The following ADGRG4 variants were observed in gnomAD, a reference collection of about 807,000 sequenced individuals.
ADGRG4 encodes G protein-coupled receptor 112.
ADGRG4 carries 122 observed loss-of-function variants against 126.2 expected under a neutral mutation model. The ratio of observed to expected loss-of-function variants is 0.97; its 90% CI spans 0.83 to 1.12. The LOEUF is 1.12. Ranked by LOEUF, ADGRG4 falls within the 50% of genes most tolerant of loss-of-function variation. The pLI, the probability that ADGRG4 is intolerant of heterozygous loss-of-function variation, is 0.00. For synonymous variants in ADGRG4, 943 were observed against 838.7 expected (o/e 1.12, Z -2.15); for missense variants, 2,481 against 2,251.8 (o/e 1.10, Z -2.06).
Position 136,342,738 on chromosome X carries a change from T to TA in ADGRG4, c.686-1645dup, listed in dbSNP as rs757162533. Among the ~76,000 whole-genome samples the TA allele has an allele frequency of 3.3e-3, 356 of 107,206 alleles. 2 individuals are homozygous for TA. The highest frequency in any genetic ancestry group is 0.011 in the African/African-American group (337 of 29,462). The allele number at this position is 107,206 out of a possible 115,157, so 93.1% of individuals were successfully genotyped here. A position where few individuals can be genotyped will look rare whatever the true frequency, so the allele number is the denominator to read the frequency against. ...ATTAGAGAACTAAAAAGAGGAAGAC[T>TA]AAAAAAAAACAGAGGGGACTTAGCA... On this transcript the variant is annotated intron_variant, in intron 5 of 25. Transcript: ENST00000394143.
chrX:136,305,522 C>T (rs774779435), intron 3 of ADGRG4, among the ~76,000 whole-genome samples: 72 of 112,312 alleles, frequency 6.4e-4, no homozygotes, highest in African/African-American at 2.3e-3. Context: ...ATGACACCTT[C>T]TGGGACAAAA....
chrX:136,364,334 A>G (rs2075146039), intron 13 of ADGRG4, among the ~76,000 whole-genome samples: 1 of 111,406 alleles, frequency 9.0e-6, no homozygotes, highest in Admixed American at 9.6e-5. Flanking sequence ...TATATTGTAT[A>G]CACACATATA....
At chrX:136,388,560 G>A (rs749027679) in intron 16 of ADGRG4, among the ~76,000 whole-genome samples, 1 of 111,897 alleles carries the variant, frequency 8.9e-6, no homozygotes, top group East Asian at 2.8e-4. Context: ...TAAAGGAATT[G>A]GTGTATTTAA....
intron 17 of ADGRG4, among the ~76,000 whole-genome samples, chrX:136,392,918 T>C (rs2075327289): frequency 1.8e-5 from 2 of 111,972 alleles, no homozygotes; most frequent in African/African-American, 6.5e-5. Context: ...TACTTTTCAC[T>C]GGTCTTGATT....
At position 136,393,152 on chromosome X, in the gene ADGRG4, C is replaced by G. The variant is rs1455158867; in HGVS notation, c.8035-383C>G. 2.7e-5 allele frequency among the ~76,000 whole-genome samples: 3 copies of G among 111,840 alleles called. No homozygotes were observed. In the South Asian group the frequency reaches 1.1e-3, roughly 43 times the overall value. ...CCTAATGATGGGGCAGATCAAATTT[C>G]TGTCCATAAGGCTTGATCTCAGCGG... On this transcript the variant is annotated intron_variant, in intron 17 of 25. Transcript: ENST00000394143.
At chrX:136,409,048 GAC>G (rs71995144) in intron 23 of ADGRG4, among the ~76,000 whole-genome samples, 8,095 of 90,609 alleles carry the variant, frequency 0.089, 333 homozygotes, top group East Asian at 0.16. Flanking sequence ...TCAAATTCAA[GAC>G]ACACACACAC....
chrX:136,371,020 C>T (rs189697050), intron 13 of ADGRG4, among the ~76,000 whole-genome samples: 1 of 111,327 alleles, frequency 9.0e-6, no homozygotes, highest in East Asian at 2.8e-4. Context: ...CAATCCAATA[C>T]TCAAAAGTCT....
intron 5 of ADGRG4, among the ~76,000 whole-genome samples, chrX:136,330,477 G>A (rs2074902416): frequency 9.3e-6 from 1 of 108,061 alleles, no homozygotes; most frequent in Non-Finnish European, 1.9e-5. Flanking sequence ...TTGCTGAGTA[G>A]TATTCCATGG....
intron 11 of ADGRG4, among the ~76,000 whole-genome samples, chrX:136,360,784 C>T (rs2075123345): frequency 9.1e-6 from 1 of 110,468 alleles, no homozygotes; most frequent in African/African-American, 3.3e-5. Context: ...CTATACTGAT[C>T]ATGTCAGATA....
intron 5 of ADGRG4, among the ~76,000 whole-genome samples, chrX:136,330,377 T>G (rs1221501602): frequency 1.8e-5 from 2 of 110,072 alleles, no homozygotes; most frequent in Non-Finnish European, 3.8e-5. Context: ...TGTAAACTTT[T>G]AGGATTACCT....
In ADGRG4 at chrX:136,350,323, C is replaced by G; in HGVS notation, c.6617C>G (p.Ala2206Gly). 8.3e-7 allele frequency: 1 copy of G among 1,210,208 alleles called. No individual in the cohort carries two copies. The highest frequency in any genetic ancestry group is 1.1e-6 in the Non-Finnish European group (1 of 894,079). ...ACTGGGGTGACATATCCTTTTACAG[C>G]AACTGTGTCTTCACCAATATCGTCC... ...ISTGVTYPFT[A>G]TVSSPISSFF... The change falls in exon 6 of 26, where the codon GCA becomes GGA. Residue 2206 changes from alanine (A) to glycine (G), a missense_variant. Physicochemically the swap from Ala to Gly is moderately conservative, Grantham distance 60. Coordinates refer to ENST00000394143, the MANE Select transcript of ADGRG4 (RefSeq NM_153834.4).
Position 136,347,379 on chromosome X carries a change from A to G in ADGRG4, c.3673A>G (p.Thr1225Ala), listed in dbSNP as rs1246434962. The stretch of plus-strand genomic sequence containing the variant: ...ACACATCTCTGCCAATAAGTTGACT[A>G]CTTCAGTAAACAGTCACATTTCTTC... Reference protein sequence around the residue: ...PSHISANKLTTSVNSHISSSA... With the variant: ...PSHISANKLTASVNSHISSSA... The change falls in exon 6 of 26, where the codon ACT becomes GCT. Residue 1225 changes from threonine to alanine, a missense_variant. Physicochemically the swap from Thr to Ala is moderately conservative, Grantham distance 58. Coordinates refer to ENST00000394143, the MANE Select transcript of ADGRG4 (RefSeq NM_153834.4). 9.1e-6 allele frequency: 11 copies of G among 1,208,620 alleles called. No homozygotes were observed. The highest frequency in any genetic ancestry group is 1.2e-5 in the Non-Finnish European group (11 of 893,175).
At chrX:136,353,852 T>C (rs2075077570) in intron 8 of ADGRG4, among the ~76,000 whole-genome samples, 2 of 112,209 alleles carry the variant, frequency 1.8e-5, no homozygotes, top group African/African-American at 6.5e-5. Flanking sequence ...CAAGATTTGC[T>C]TGGGGCACAA....
rs2075359327 is a variant in ADGRG4 at position 136,397,908 on chromosome X, G to A, written c.8212G>A (p.Val2738Met). The A allele has an allele frequency of 1.7e-6, 2 of 1,200,855 alleles. No homozygotes were observed. The highest frequency in any genetic ancestry group is 2.3e-6 in the Non-Finnish European group (2 of 886,806). Reference protein sequence around the residue: ...MDLSRSTVDSVNEQILALITY... With the variant: ...MDLSRSTVDSMNEQILALITY... Reference sequence around the variant, plus strand: ...TTTATCCAGGTCTACAGTGGATTCAGTGAATGAACAGATATTAGCGCTTAT... The same window carrying A: ...TTTATCCAGGTCTACAGTGGATTCAATGAATGAACAGATATTAGCGCTTAT... Residue 2738 changes from valine to methionine, a missense_variant, in exon 20 of 26, where the codon GTG (valine) becomes ATG (methionine). Val to Met is a conservative substitution (Grantham distance 21). Transcript: ENST00000394143.
At chrX:136,311,557 G>A (rs1028484458) in intron 4 of ADGRG4, among the ~76,000 whole-genome samples, 5 of 111,164 alleles carry the variant, frequency 4.5e-5, no homozygotes, top group African/African-American at 1.6e-4. Context: ...GGTTTTTGAG[G>A]CACCTAGCCT....
At chrX:136,312,583 G>A (rs777541533) in intron 4 of ADGRG4, among the ~76,000 whole-genome samples, 9 of 111,688 alleles carry the variant, frequency 8.1e-5, no homozygotes, top group South Asian at 7.5e-4. Context: ...TTAAGATCGC[G>A]TCATTGCATT....
chrX:136,371,031 C>A (rs1569330485), intron 13 of ADGRG4, among the ~76,000 whole-genome samples: 1 of 111,400 alleles, frequency 9.0e-6, no homozygotes, highest in Non-Finnish European at 1.9e-5. Flanking sequence ...TCAAAAGTCT[C>A]AATTTAATTA....
chrX:136,371,782 T>A (rs766802865), intron 14 of ADGRG4, among the ~76,000 whole-genome samples: 1 of 111,594 alleles, frequency 9.0e-6, no homozygotes, highest in African/African-American at 3.3e-5. Flanking sequence ...ATAAGTAATC[T>A]AGAGATGATT....
At position 136,412,278 on chromosome X, in the gene ADGRG4, T is replaced by C. The variant is rs1421847964; in HGVS notation, c.8949T>C (p.Phe2983=). ...CTTCTGGCTTAGGATTCTTCATTTT[T>C]GTGTTTCACTGTGTGATGAAGGAGA... ...IFNTLQGFFI[F]VFHCVMKESV... The change falls in exon 24 of 26, where the codon TTT becomes TTC. Residue 2983 remains phenylalanine (F), a synonymous_variant. Transcript: ENST00000394143. The C allele has an allele frequency of 8.4e-7, 1 of 1,194,475 alleles. No homozygotes were observed. Among genetic ancestry groups the C allele is most frequent in the African/African-American group, 1.8e-5 (1 of 56,964 alleles).
Sources: allele counts gnomAD v4.1 joint callset (sites outside exome capture counted in the v4.1 genomes callset), GRCh38; gene constraint gnomAD v4.1.1; transcripts MANE v1.5; gene names NCBI Gene and HGNC (gene_info 2026-07-23, HGNC 2026-07-21).